The following GATA4 variants were observed in gnomAD, a reference collection of about 807,000 sequenced individuals.
GATA4 encodes GATA binding protein 4.
A neutral mutation model predicts 37.9 loss-of-function variants in GATA4; 7 were observed. The ratio of observed to expected loss-of-function variants is 0.18; its 90% CI spans 0.11 to 0.35. GATA4 has a LOEUF of 0.35. GATA4 is among the 10% of genes least tolerant of loss of function. The pLI, the probability that GATA4 is intolerant of heterozygous loss-of-function variation, is 1.00. For synonymous variants in GATA4, 372 were observed against 292.6 expected (o/e 1.27, Z -2.77); for missense variants, 647 against 653.0 (o/e 0.99, Z 0.10).
chr8:11,735,871 G>C (rs1801429234), intron 2 of GATA4, among the ~76,000 whole-genome samples: 1 of 151,896 alleles, frequency 6.6e-6, no homozygotes, highest in Non-Finnish European at 1.5e-5. Flanking sequence ...GAGACCTTTT[G>C]TTTCTACGTG....
At chr8:11,746,682 C>CT (rs1383705290) in intron 2 of GATA4, among the ~76,000 whole-genome samples, 1 of 152,196 alleles carries the variant, frequency 6.6e-6, no homozygotes, top group East Asian at 1.9e-4. Context: ...TAGGCACGGA[C>CT]TGTAGAGGTG....
At chr8:11,697,004 T>TG (rs1799527639) in intron 1 of GATA4, among the ~76,000 whole-genome samples, 1 of 152,124 alleles carries the variant, frequency 6.6e-6, no homozygotes, top group African/African-American at 2.4e-5. Flanking sequence ...GGAGATGGTG[T>TG]GAAATAGGGG....
chr8:11,706,592 T>C (rs1440365676), intron 1 of GATA4, among the ~76,000 whole-genome samples: 1 of 152,254 alleles, frequency 6.6e-6, no homozygotes, highest in Non-Finnish European at 1.5e-5. Flanking sequence ...TAAAGGTGTT[T>C]ATTCCGTAAG....
rs1429231944 is a variant in GATA4, at chr8:11,743,105, G to A, written c.617-5811G>A. 4.6e-5 allele frequency among the ~76,000 whole-genome samples: 7 copies of A among 152,232 alleles called. No individual in the cohort carries two copies. In the East Asian group the frequency reaches 5.8e-4, roughly 13 times the overall value. ...ACTGTTGACGTGTCTCTCCCTGAAC[G>A]TCCAGGATGCTGAAGATCTGAAGCT... On this transcript the variant is annotated intron_variant, in intron 2 of 6. Coordinates refer to ENST00000532059, the MANE Select transcript of GATA4 (RefSeq NM_001308093.3).
chr8:11,745,779 G>C (rs951401252), intron 2 of GATA4, among the ~76,000 whole-genome samples: 2 of 152,136 alleles, frequency 1.3e-5, no homozygotes, highest in African/African-American at 4.8e-5. Context: ...TTAGGAGTGT[G>C]ACTCTATCTG....
chr8:11,680,378 C>T, intron 1 of GATA4: 1 of 641,986 alleles, frequency 1.6e-6, no homozygotes, highest in Non-Finnish European at 1.9e-6. Context: ...AACCAGGCCC[C>T]TCGGATTCAT....
At chr8:11,678,223 A>C (rs1179305490) in intron 1 of GATA4, among the ~76,000 whole-genome samples, 1 of 152,056 alleles carries the variant, frequency 6.6e-6, no homozygotes, top group African/African-American at 2.4e-5. Context: ...TAGCCTCAGG[A>C]GGACCCAGCA....
chr8:11,750,385 C>T (rs935375878), intron 4 of GATA4, 149 bp downstream of exon 4: 10 of 1,064,350 alleles, frequency 9.4e-6, no homozygotes, highest in Non-Finnish European at 1.2e-5. Flanking sequence ...ACTTTGCTGG[C>T]CTCTTCCGTC....
At chr8:11,680,514 G>A in intron 1 of GATA4, 2 of 985,474 alleles carry the variant, frequency 2.0e-6, no homozygotes, top group Non-Finnish European at 1.2e-6. Flanking sequence ...CATGGGCCAG[G>A]TCACCTCGGA....
chr8:11,724,882 G>C (rs1022581360), intron 2 of GATA4, among the ~76,000 whole-genome samples: 2 of 152,224 alleles, frequency 1.3e-5, no homozygotes, highest in East Asian at 1.9e-4. Context: ...GGAAGGCCAT[G>C]GGGGAGCCAG....
At chr8:11,706,480 C>T (rs1272596990) in intron 1 of GATA4, among the ~76,000 whole-genome samples, 11 of 152,228 alleles carry the variant, frequency 7.2e-5, no homozygotes, top group Middle Eastern at 3.4e-3. Flanking sequence ...AATTTATAAT[C>T]CTCACTCCTA....
chr8:11,698,220 G>A (rs139472391), intron 1 of GATA4, among the ~76,000 whole-genome samples: 40 of 152,290 alleles, frequency 2.6e-4, no homozygotes, highest in African/African-American at 9.4e-4. Flanking sequence ...CCCGTCCATT[G>A]CCTGCTTTGG....
At chr8:11,745,411 C>CAAAAAA (rs3030049) in intron 2 of GATA4, among the ~76,000 whole-genome samples, 69 of 104,018 alleles carry the variant, frequency 6.6e-4, no homozygotes, top group African/African-American at 3.1e-3. Context: ...TTGTCTCTAC[C>CAAAAAA]AAAAAAAAAA....
upstream of GATA4, among the ~76,000 whole-genome samples, chr8:11,690,778 G>A (rs573324616): frequency 2.0e-5 from 3 of 152,342 alleles, no homozygotes; most frequent in African/African-American, 7.2e-5. Flanking sequence ...GGCCGAGGTG[G>A]GAGGATCGCT....
At chr8:11,688,873 G>A (rs1799225313), upstream of GATA4, among the ~76,000 whole-genome samples, 1 of 152,114 alleles carries the variant, frequency 6.6e-6, no homozygotes. Flanking sequence ...GAACAATGGG[G>A]GCAATAGCAG....
At chr8:11,684,567 A>G (rs1011163066) in intron 1 of GATA4, among the ~76,000 whole-genome samples, 1 of 152,240 alleles carries the variant, frequency 6.6e-6, no homozygotes, top group African/African-American at 2.4e-5. Context: ...AGACTCCAGT[A>G]TTAGAATGTT....
upstream of GATA4, chr8:11,704,070 A>C (rs1799781590): frequency 6.6e-6 from 1 of 152,254 alleles, no homozygotes; most frequent in South Asian, 2.1e-4. Flanking sequence ...CTTTCCGCAC[A>C]GTCCCGCAGC....
chr8:11,697,100 C>T (rs756753854), intron 1 of GATA4, among the ~76,000 whole-genome samples: 4 of 152,224 alleles, frequency 2.6e-5, no homozygotes, highest in Admixed American at 1.3e-4. Context: ...CGGAGGGCTC[C>T]ATTTCACTGC....
chr8:11,710,926 C>T (rs7838988), intron 2 of GATA4, among the ~76,000 whole-genome samples: 2,042 of 152,032 alleles, frequency 0.013, 51 homozygotes, highest in African/African-American at 0.047. Flanking sequence ...TCCTGGCCAA[C>T]ATGGTGAAAC....
Sources: gnomAD v4.1 joint callset for allele counts (sites outside exome capture counted in the v4.1 genomes callset) on GRCh38, gnomAD v4.1.1 for gene constraint, MANE v1.5 for transcripts, NCBI Gene and HGNC (gene_info 2026-07-23, HGNC 2026-07-21) for gene names.